Variants in HS3ST3B1 observed in about 807,000 individuals in gnomAD.
The protein encoded by HS3ST3B1 is heparan sulfate-glucosamine 3-sulfotransferase 3B1, also known as heparan sulfate glucosamine 3-O-sulfotransferase 3B1.
Under a neutral mutation model 21.3 loss-of-function variants are expected in HS3ST3B1, and 13 were observed. That is an observed-to-expected ratio of 0.61 (90% CI 0.40 to 0.97). HS3ST3B1 has a LOEUF of 0.97. HS3ST3B1 is among the 50% of genes least tolerant of loss of function. The pLI is 0.00. For missense variants in HS3ST3B1, 459 were observed against 554.8 expected (o/e 0.83, Z 1.73); for synonymous variants, 234 against 254.8 (o/e 0.92, Z 0.78).
At chr17:14,311,276 C>T (rs575189974) in intron 1 of HS3ST3B1, among the ~76,000 whole-genome samples, 29 of 150,526 alleles carry the variant, frequency 1.9e-4, no homozygotes, top group Non-Finnish European at 3.8e-4. Flanking sequence ...TGAGATCTCA[C>T]TATGTTAACC....
intron 1 of HS3ST3B1, among the ~76,000 whole-genome samples, chr17:14,321,990 T>TTA (rs138012664): frequency 0.064 from 9,589 of 149,804 alleles, 412 homozygotes; most frequent in East Asian, 0.14. Context: ...ATCATCTCTT[T>TTA]TATATATATA....
rs755346446 is a variant in HS3ST3B1, at chr17:14,301,654, A to G, written c.136A>G (p.Met46Val). Residue 46 changes from methionine (M) to valine (V), a missense_variant, in exon 1 of 2, where the codon ATG becomes GTG. Met to Val is a conservative substitution (Grantham distance 21, BLOSUM62 1). Coordinates refer to ENST00000360954, the MANE Select transcript of HS3ST3B1 (RefSeq NM_006041.3). ...LFAMLCVWLY[M>V]FLYSCAGSCA... ...CGCCATGCTCTGCGTCTGGCTCTAT[A>G]TGTTCCTGTACTCGTGCGCCGGCTC... The G allele has an allele frequency of 1.2e-6, 2 of 1,607,638 alleles. No homozygotes were observed. Among genetic ancestry groups the G allele is most frequent in the East Asian group, 2.2e-5 (1 of 44,540 alleles).
chr17:14,328,605 A>G (rs1405545859), intron 1 of HS3ST3B1: 1 of 152,264 alleles, frequency 6.6e-6, no homozygotes, highest in Non-Finnish European at 1.5e-5. Flanking sequence ...AGAAGTAAGT[A>G]CTGATGACAA....
At chr17:14,335,707 GA>G (rs1162169598) in intron 1 of HS3ST3B1, among the ~76,000 whole-genome samples, 5 of 151,692 alleles carry the variant, frequency 3.3e-5, no homozygotes, top group East Asian at 1.9e-4. Flanking sequence ...AAAAAAAAAG[GA>G]AAAAAAATTT....
intron 1 of HS3ST3B1, chr17:14,329,299 A>AAGAAAGAAAGAAAGAG (rs1909906645): frequency 2.9e-5 from 4 of 137,620 alleles, no homozygotes; most frequent in African/African-American, 1.1e-4. Flanking sequence ...GAAATAAAGA[A>AAGAAAGAAAGAAAGAG]AGAAAGAGAG....
At chr17:14,312,515 A>C (rs1056310317) in intron 1 of HS3ST3B1, among the ~76,000 whole-genome samples, 1 of 151,584 alleles carries the variant, frequency 6.6e-6, no homozygotes, top group African/African-American at 2.4e-5. Context: ...CACTCCCCAC[A>C]CTTGTTCCTA....
intron 1 of HS3ST3B1, among the ~76,000 whole-genome samples, chr17:14,307,742 A>G (rs939868899): frequency 6.6e-6 from 1 of 152,218 alleles, no homozygotes; most frequent in Admixed American, 6.5e-5. Flanking sequence ...CTCTATGAAC[A>G]TGGAAATTAA....
In HS3ST3B1 at chr17:14,345,362, G is replaced by A. The variant is rs754542949; in HGVS notation, c.889G>A (p.Gly297Ser). The change falls in exon 2 of 2, where the codon GGC becomes AGC. Residue 297 changes from glycine to serine, a missense_variant. Gly to Ser is a moderately conservative substitution (Grantham distance 56, BLOSUM62 0). Coordinates refer to ENST00000360954, the MANE Select transcript of HS3ST3B1 (RefSeq NM_006041.3). ...FPIRQMLFVS[G>S]ERLISDPAGE... ...CATCCGCCAGATGCTCTTCGTGAGCGGCGAGCGGCTCATCAGCGACCCGGC... is the reference window on the plus strand; with the variant it reads ...CATCCGCCAGATGCTCTTCGTGAGCAGCGAGCGGCTCATCAGCGACCCGGC... 2.7e-6 allele frequency: 3 copies of A among 1,101,342 alleles called. No individual in the cohort carries two copies. Among genetic ancestry groups the A allele is most frequent in the South Asian group, 1.5e-5 (1 of 66,288 alleles). The allele number at this position is 1,101,342 out of a possible 1,614,324, so 68.2% of individuals were successfully genotyped here.
Position 14,301,897 on chromosome 17 carries a change from A to G in HS3ST3B1, c.379A>G (p.Ser127Gly). ...EVPDSPSPIS[S>G]FFSGSGSKQL... ...GCCGGACTCCCCAAGCCCCATCTCCAGCTTTTTCAGTGGGTCTGGGAGCAA... is the reference window on the plus strand; with the variant it reads ...GCCGGACTCCCCAAGCCCCATCTCCGGCTTTTTCAGTGGGTCTGGGAGCAA... Residue 127 changes from serine to glycine, a missense_variant, in exon 1 of 2, where the codon AGC (serine) becomes GGC (glycine). Ser to Gly is a moderately conservative substitution (Grantham distance 56). Coordinates refer to ENST00000360954, the MANE Select transcript of HS3ST3B1 (RefSeq NM_006041.3). 1 of 1,609,330 alleles carries G rather than the reference A, an allele frequency of 6.2e-7. No individual in the cohort carries two copies. The highest frequency in any genetic ancestry group is 8.5e-7 in the Non-Finnish European group (1 of 1,178,580).
At chr17:14,335,449 C>A (rs1003707348) in intron 1 of HS3ST3B1, among the ~76,000 whole-genome samples, 1 of 151,966 alleles carries the variant, frequency 6.6e-6, no homozygotes, top group Admixed American at 6.5e-5. Context: ...AATCCCAACA[C>A]TTTGGGAGGC....
chr17:14,302,420 G>A (rs1908966403), intron 1 of HS3ST3B1, among the ~76,000 whole-genome samples: 1 of 152,116 alleles, frequency 6.6e-6, no homozygotes, highest in African/African-American at 2.4e-5. Context: ...TTTATGACTC[G>A]TTTTAAATTT....
At chr17:14,308,589 G>A (rs1015228803) in intron 1 of HS3ST3B1, among the ~76,000 whole-genome samples, 1 of 152,264 alleles carries the variant, frequency 6.6e-6, no homozygotes, top group Admixed American at 6.5e-5. Flanking sequence ...TGGTTAAAGA[G>A]TACTGTCCGA....
chr17:14,301,875 G>C lies in HS3ST3B1; in HGVS notation c.357G>C (p.Pro119=), dbSNP rs1355325062. 1 of 1,604,542 alleles carries C rather than the reference G, an allele frequency of 6.2e-7. No individual in the cohort carries two copies. Among genetic ancestry groups the C allele is most frequent in the Admixed American group, 1.7e-5 (1 of 58,694 alleles). ...ASPEEQSPEV[P]DSPSPISSFF... ...CGGAGGAGCAGAGTCCCGAGGTGCC[G>C]GACTCCCCAAGCCCCATCTCCAGCT... The change falls in exon 1 of 2, where the codon CCG becomes CCC. Residue 119 remains proline (P), a synonymous_variant. Transcript: ENST00000360954.
At chr17:14,333,071 G>T (rs909692867) in intron 1 of HS3ST3B1, among the ~76,000 whole-genome samples, 15 of 151,842 alleles carry the variant, frequency 9.9e-5, no homozygotes, top group African/African-American at 3.6e-4. Context: ...GTGAGACCCT[G>T]TGCGTCCCCA....
rs199858271 is a variant in HS3ST3B1 at position 14,301,636 on chromosome 17, C to A, written c.118C>A (p.Leu40Ile). The A allele has an allele frequency of 9.7e-5, 156 of 1,608,044 alleles. 1 individual carries two copies. The East Asian group carries it at 3.4e-3, about 35-fold the overall frequency. ...RRKLALLFAM[L>I]CVWLYMFLYS... is the part of the protein sequence containing the mutation. ...GAAGCTCGCGCTGCTCTTCGCCATG[C>A]TCTGCGTCTGGCTCTATATGTTCCT... The change falls in exon 1 of 2, where the codon CTC (leucine) becomes ATC (isoleucine). Residue 40 changes from leucine to isoleucine, a missense_variant. Transcript: ENST00000360954.
chr17:14,313,678 C>A (rs909518148), intron 1 of HS3ST3B1, among the ~76,000 whole-genome samples: 2 of 152,014 alleles, frequency 1.3e-5, no homozygotes, highest in Admixed American at 6.5e-5. Flanking sequence ...TCAAGTGATT[C>A]TCCTGCCTCA....
intron 1 of HS3ST3B1, among the ~76,000 whole-genome samples, chr17:14,312,107 A>C (rs1435962197): frequency 3.3e-4 from 50 of 152,186 alleles, no homozygotes; most frequent in Admixed American, 3.3e-3. Flanking sequence ...TGATTAAAAA[A>C]AAAAATGTCT....
rs1005051519 is a variant in HS3ST3B1, at chr17:14,302,184, G to A, written c.554+112G>A. 2.3e-6 allele frequency: 3 copies of A among 1,291,984 alleles called. No individual in the cohort carries two copies. In the African/African-American group the frequency reaches 4.5e-5, roughly 19 times the overall value. 80.0% of individuals were successfully genotyped at this position (1,291,984 alleles called of 1,614,324 possible). On this transcript the variant is annotated intron_variant, in intron 1 of 1. Coordinates refer to ENST00000360954, the MANE Select transcript of HS3ST3B1 (RefSeq NM_006041.3). ...GGGTTACAGCTTCGGACCACCCGGG[G>A]TAGGGCAGGGAAACTACGGCAGATT...
chr17:14,329,811 T>TA (rs1909949737), intron 1 of HS3ST3B1, among the ~76,000 whole-genome samples: 1 of 152,204 alleles, frequency 6.6e-6, no homozygotes, highest in African/African-American at 2.4e-5. Flanking sequence ...CCTTTAAATT[T>TA]AAAAAACGAT....
Sources: gnomAD v4.1 joint callset for allele counts (sites outside exome capture counted in the v4.1 genomes callset) on GRCh38, gnomAD v4.1.1 for gene constraint, MANE v1.5 for transcripts, NCBI Gene and HGNC (gene_info 2026-07-23, HGNC 2026-07-21) for gene names.